CACNA1C: variants seen among roughly 807,000 people sequenced by gnomAD.
CACNA1C encodes voltage-dependent L-type calcium channel subunit alpha-1C.
CACNA1C carries 30 observed loss-of-function variants against 229.0 expected under a neutral mutation model. The ratio of observed to expected loss-of-function variants is 0.13; its 90% CI spans 0.10 to 0.18. The LOEUF is 0.18. CACNA1C is among the 10% of genes least tolerant of loss of function. The pLI is 1.00. For synonymous variants in CACNA1C, 1,114 were observed against 1,132.5 expected (o/e 0.98, Z 0.33); for missense variants, 1,658 against 2,845.0 (o/e 0.58, Z 9.49).
At chr12:2,292,957 T>G (rs145223629) in intron 3 of CACNA1C, among the ~76,000 whole-genome samples, 1 of 152,190 alleles carries the variant, frequency 6.6e-6, no homozygotes, top group Non-Finnish European at 1.5e-5. Flanking sequence ...CTGGTGTATT[T>G]ATGAGTTTTA....
intron 3 of CACNA1C, among the ~76,000 whole-genome samples, chr12:2,240,752 G>T (rs919676948): frequency 1.4e-5 from 2 of 139,926 alleles, no homozygotes; most frequent in East Asian, 4.9e-4. Flanking sequence ...AGGTGGGCAC[G>T]CGTGGCCTCC....
chr12:2,293,345 C>T (rs779788591), intron 3 of CACNA1C, among the ~76,000 whole-genome samples: 3 of 152,172 alleles, frequency 2.0e-5, no homozygotes, highest in Non-Finnish European at 4.4e-5. Flanking sequence ...TCTCATCTGA[C>T]TGGGACAAGA....
In CACNA1C at chr12:2,405,068, G is replaced by A. The variant is rs551285473; in HGVS notation, c.478-43908G>A. Among the ~76,000 whole-genome samples, 12 of 152,270 alleles carry A rather than the reference G, an allele frequency of 7.9e-5. No individual in the cohort carries two copies. In the South Asian group the frequency reaches 2.3e-3, roughly 29 times the overall value. On this transcript the variant is annotated intron_variant, in intron 3 of 46. Transcript: ENST00000399655. Reference sequence around the variant, plus strand: ...GTTTAGACTCCTTCGAGGATAACTCGGCTACTCCCTGTGGGATATCTGGAA... The same window carrying A: ...GTTTAGACTCCTTCGAGGATAACTCAGCTACTCCCTGTGGGATATCTGGAA...
intron 3 of CACNA1C, among the ~76,000 whole-genome samples, chr12:2,148,574 G>A (rs901177560): frequency 1.3e-5 from 2 of 151,132 alleles, no homozygotes; most frequent in African/African-American, 4.8e-5. Flanking sequence ...TTGGGACAGG[G>A]TCTCACTCTG....
intron 1 of CACNA1C, among the ~76,000 whole-genome samples, chr12:2,017,190 G>A (rs905430620): frequency 9.2e-5 from 14 of 152,192 alleles, no homozygotes; most frequent in East Asian, 3.9e-4. Context: ...AGATGACACC[G>A]AGGGCCTACA....
chr12:2,021,125 A>G (rs1190185916), intron 1 of CACNA1C, among the ~76,000 whole-genome samples: 2 of 152,216 alleles, frequency 1.3e-5, no homozygotes, highest in Admixed American at 6.5e-5. Flanking sequence ...TTCTTAATCA[A>G]CTGCCTTTTT....
At chr12:2,168,799 A>G (rs1436486234) in intron 3 of CACNA1C, among the ~76,000 whole-genome samples, 2 of 152,192 alleles carry the variant, frequency 1.3e-5, no homozygotes, top group East Asian at 1.9e-4. Context: ...GTGAGAAGCT[A>G]TTCTATGATG....
intron 39 of CACNA1C, 45 bp downstream of exon 39, chr12:2,674,687 T>A: frequency 6.7e-7 from 1 of 1,491,284 alleles, no homozygotes; most frequent in South Asian, 1.3e-5. Flanking sequence ...TGCCTGGCCG[T>A]GCCCCCCTCT....
intron 3 of CACNA1C, among the ~76,000 whole-genome samples, chr12:2,432,894 C>A (rs527411844): frequency 6.6e-6 from 1 of 152,232 alleles, no homozygotes; most frequent in South Asian, 2.1e-4. Context: ...CCAGGTGAAC[C>A]ACCAGGAAGG....
intron 5 of CACNA1C, among the ~76,000 whole-genome samples, chr12:2,465,492 G>C: frequency 6.6e-6 from 1 of 152,156 alleles, no homozygotes. Context: ...TGTTTGTTTA[G>C]GTCACCAATG....
At chr12:2,669,410 G>A (rs527999451) in intron 38 of CACNA1C, among the ~76,000 whole-genome samples, 7 of 152,220 alleles carry the variant, frequency 4.6e-5, no homozygotes, top group East Asian at 1.9e-4. Flanking sequence ...ATTCAAAGCC[G>A]TCCTGGGCCG....
At chr12:2,625,658 G>A (rs2086008946) in intron 29 of CACNA1C, among the ~76,000 whole-genome samples, 1 of 151,934 alleles carries the variant, frequency 6.6e-6, no homozygotes, top group African/African-American at 2.4e-5. Flanking sequence ...TTCTCACAAA[G>A]CCCTATAAGG....
intron 38 of CACNA1C, among the ~76,000 whole-genome samples, chr12:2,670,879 T>C (rs1370527090): frequency 2.9e-5 from 4 of 138,208 alleles, no homozygotes; most frequent in Non-Finnish European, 6.3e-5. Context: ...ATAATAAAAA[T>C]AGGACAAGTT....
chr12:2,052,413 G>A (rs893889297), upstream of CACNA1C, among the ~76,000 whole-genome samples: 1 of 152,028 alleles, frequency 6.6e-6, no homozygotes, highest in Non-Finnish European at 1.5e-5. Context: ...TTTGTTCAGT[G>A]GCCCGATCCG....
intron 1 of CACNA1C, among the ~76,000 whole-genome samples, chr12:2,037,484 A>G (rs1165230277): frequency 3.3e-5 from 5 of 152,234 alleles, no homozygotes; most frequent in Non-Finnish European, 5.9e-5. Context: ...AATTGTTAAA[A>G]GGCATTGGGT....
At chr12:2,337,231 AG>A (rs2096724582) in intron 3 of CACNA1C, among the ~76,000 whole-genome samples, 1 of 152,206 alleles carries the variant, frequency 6.6e-6, no homozygotes, top group Non-Finnish European at 1.5e-5. Context: ...AGTCCCTGAG[AG>A]GCCCTTCCCC....
intron 3 of CACNA1C, among the ~76,000 whole-genome samples, chr12:2,321,217 C>T (rs1462100605): frequency 3.3e-5 from 5 of 151,150 alleles, no homozygotes; most frequent in South Asian, 2.1e-4. Context: ...CCAAGGTGGT[C>T]GTTGGGGGGG....
intron 3 of CACNA1C, among the ~76,000 whole-genome samples, chr12:2,205,989 A>G (rs531020894): frequency 2.6e-5 from 4 of 152,160 alleles, no homozygotes; most frequent in African/African-American, 4.8e-5. Context: ...CTCCCCCAAT[A>G]TCATCACACT....
Position 2,454,966 on chromosome 12 carries a change from G to A in CACNA1C, c.618-2601G>A, listed in dbSNP as rs189030247. Among the ~76,000 whole-genome samples, 7 of 152,174 alleles carry A rather than the reference G, an allele frequency of 4.6e-5. No homozygotes were observed. The East Asian group carries it at 1.4e-3, about 29-fold the overall frequency. On this transcript the variant is annotated intron_variant, in intron 4 of 46. Transcript: ENST00000399655. ...CGGCGCTGCCCCTGCACAGGTGGAC[G>A]CCCTTCGCATGCACCCATCCCCTTC...
Sources: allele counts gnomAD v4.1 joint callset (sites outside exome capture counted in the v4.1 genomes callset), GRCh38; gene constraint gnomAD v4.1.1; transcripts MANE v1.5; gene names NCBI Gene and HGNC (gene_info 2026-07-23, HGNC 2026-07-21).